Variants in MARK1 observed in about 807,000 individuals in gnomAD.
The protein encoded by MARK1 is microtubule affinity regulating kinase 1.
Under a neutral mutation model 96.3 loss-of-function variants are expected in MARK1, and 40 were observed. The ratio of observed to expected loss-of-function variants is 0.42; its 90% CI spans 0.32 to 0.54. MARK1 has a LOEUF of 0.54. Among genes scored for constraint, MARK1 ranks in the 20% least tolerant of loss-of-function variants. MARK1 has a pLI of 0.16. For synonymous variants in MARK1, 317 were observed against 341.2 expected, an observed-to-expected ratio of 0.93 and a Z score of 0.78; for missense variants, 719 against 984.6, an observed-to-expected ratio of 0.73 and a Z score of 3.61.
intron 1 of MARK1, among the ~76,000 whole-genome samples, chr1:220,537,211 T>G (rs921297312): frequency 1.4e-5 from 2 of 147,986 alleles, no homozygotes; most frequent in Non-Finnish European, 3.0e-5. Flanking sequence ...TAGCATTAGG[T>G]ATATCTCCTA....
intron 6 of MARK1, among the ~76,000 whole-genome samples, chr1:220,605,453 A>G (rs1433301173): frequency 6.6e-6 from 1 of 152,016 alleles, no homozygotes; most frequent in African/African-American, 2.4e-5. Flanking sequence ...TAAATAAAGT[A>G]TTACACACAT....
At chr1:220,585,336 A>C (rs1664522125) in intron 3 of MARK1, among the ~76,000 whole-genome samples, 1 of 152,284 alleles carries the variant, frequency 6.6e-6, no homozygotes, top group Admixed American at 6.5e-5. Context: ...CTGAAATATG[A>C]GGATTTTGAG....
At chr1:220,577,125 T>TA (rs1663915715) in intron 1 of MARK1, among the ~76,000 whole-genome samples, 1 of 151,598 alleles carries the variant, frequency 6.6e-6, no homozygotes, top group Non-Finnish European at 1.5e-5. Flanking sequence ...AAAAAACAGT[T>TA]AAAAAAGTAG....
chr1:220,608,777 A>G (rs143380333), intron 6 of MARK1, among the ~76,000 whole-genome samples: 2,358 of 152,306 alleles, frequency 0.015, 33 homozygotes, highest in Middle Eastern at 0.044. Flanking sequence ...ATTGGTTTCA[A>G]AGAACATCTT....
At chr1:220,546,347 A>C in intron 1 of MARK1, among the ~76,000 whole-genome samples, 1 of 152,226 alleles carries the variant, frequency 6.6e-6, no homozygotes, top group East Asian at 1.9e-4. Flanking sequence ...TATTGCGAGT[A>C]TGGTTACAGA....
intron 9 of MARK1, among the ~76,000 whole-genome samples, chr1:220,628,249 A>G (rs1050973066): frequency 1.3e-5 from 2 of 152,106 alleles, no homozygotes; most frequent in African/African-American, 4.8e-5. Flanking sequence ...GCTTTTATAC[A>G]TACGTGAATC....
Position 220,604,220 on chromosome 1 carries a change from C to G in MARK1, c.495+83C>G, listed in dbSNP as rs1665929424. ...CAGTATTACAAACTGGACTTCACAG[C>G]ACATGGTATTTTAAAAAGAAGAATT... is the stretch of plus-strand genomic sequence containing the variant. On this transcript the variant is annotated intron_variant, in intron 6 of 17. Transcript: ENST00000366917. The G allele has an allele frequency of 5.8e-6, 4 of 692,928 alleles. No individual in the cohort carries two copies. In the African/African-American group the frequency reaches 7.4e-5, roughly 13 times the overall value. 42.9% of individuals were successfully genotyped at this position (692,928 alleles called of 1,614,324 possible). A position where few individuals can be genotyped will look rare whatever the true frequency, so the allele number is the denominator to read the frequency against.
intron 9 of MARK1, among the ~76,000 whole-genome samples, chr1:220,619,202 C>T (rs376575924): frequency 6.6e-6 from 1 of 152,150 alleles, no homozygotes; most frequent in Admixed American, 6.5e-5. Context: ...GGGCTGGGCA[C>T]GGTGGCTCAC....
chr1:220,604,976 T>C (rs1665982285), intron 6 of MARK1, among the ~76,000 whole-genome samples: 1 of 152,152 alleles, frequency 6.6e-6, no homozygotes, highest in Admixed American at 6.6e-5. Flanking sequence ...CTACCTCTTC[T>C]GCCTGCATGA....
chr1:220,596,086 G>T (rs1665319799), intron 3 of MARK1, among the ~76,000 whole-genome samples: 1 of 152,184 alleles, frequency 6.6e-6, no homozygotes, highest in Non-Finnish European at 1.5e-5. Context: ...GGATATAAAT[G>T]TTGGGATGAT....
At chr1:220,562,021 TATGC>T (rs1662701798) in intron 1 of MARK1, among the ~76,000 whole-genome samples, 1 of 152,234 alleles carries the variant, frequency 6.6e-6, no homozygotes, top group Non-Finnish European at 1.5e-5. Context: ...AATATATGTG[TATGC>T]ATTTGCATAT....
intron 1 of MARK1, among the ~76,000 whole-genome samples, chr1:220,539,870 A>T (rs1315801696): frequency 1.3e-5 from 2 of 150,632 alleles, no homozygotes; most frequent in Non-Finnish European, 3.0e-5. Context: ...GTTTTTTATC[A>T]TGGTAATGCT....
At chr1:220,598,970 C>A (rs1002168922) in intron 4 of MARK1, among the ~76,000 whole-genome samples, 4 of 151,692 alleles carry the variant, frequency 2.6e-5, no homozygotes, top group African/African-American at 7.3e-5. Flanking sequence ...CAGAGTGAGA[C>A]CCTGTCTCAA....
chr1:220,587,425 A>G (rs1390137395), intron 3 of MARK1, among the ~76,000 whole-genome samples: 4 of 151,060 alleles, frequency 2.6e-5, no homozygotes, highest in South Asian at 2.1e-4. Context: ...CTGGAGTGCA[A>G]TGGCGTGATC....
At position 220,579,515 on chromosome 1, in the gene MARK1, T is replaced by C. The variant is rs1216006732; in HGVS notation, c.213T>C (p.Phe71=). ...AAAAAACAATAGGGAAGGGAAATTT[T>C]GCCAAAGTCAAATTGGCAAGACACG... ...RLQKTIGKGN[F]AKVKLARHVL... is the part of the protein sequence containing the mutation. The change falls in exon 2 of 18, where the codon TTT becomes TTC. Residue 71 remains phenylalanine (F), a synonymous_variant. Coordinates refer to ENST00000366917, the MANE Select transcript of MARK1 (RefSeq NM_018650.5). 6.2e-7 allele frequency: 1 copy of C among 1,614,062 alleles called. No individual in the cohort carries two copies. The highest frequency in any genetic ancestry group is 1.1e-5 in the South Asian group (1 of 91,082).
chr1:220,634,697 A>C (rs1667850755), intron 11 of MARK1, among the ~76,000 whole-genome samples: 1 of 152,160 alleles, frequency 6.6e-6, no homozygotes. Context: ...TCCTATTGGG[A>C]TGCCAGTGAT....
At chr1:220,642,147 C>A (rs951179016) in intron 13 of MARK1, among the ~76,000 whole-genome samples, 3 of 152,186 alleles carry the variant, frequency 2.0e-5, no homozygotes, top group African/African-American at 7.2e-5. Flanking sequence ...TCAGTGGGTC[C>A]CCCTCCCATG....
intron 1 of MARK1, among the ~76,000 whole-genome samples, chr1:220,539,516 G>T (rs188787609): frequency 1.3e-5 from 2 of 152,048 alleles, no homozygotes; most frequent in Admixed American, 1.3e-4. Flanking sequence ...TTTTATATAC[G>T]GTCTTTTTTA....
chr1:220,608,585 T>C (rs1666239293), intron 6 of MARK1, among the ~76,000 whole-genome samples: 1 of 152,226 alleles, frequency 6.6e-6, no homozygotes, highest in African/African-American at 2.4e-5. Flanking sequence ...TAGTTATTTC[T>C]TGCCTTCTGC....
Sources: allele counts gnomAD v4.1 joint callset (sites outside exome capture counted in the v4.1 genomes callset), GRCh38; gene constraint gnomAD v4.1.1; transcripts MANE v1.5; gene names NCBI Gene and HGNC (gene_info 2026-07-23, HGNC 2026-07-21).